PCDHA4: variants seen among roughly 807,000 people sequenced by gnomAD.
PCDHA4 encodes the protein protocadherin alpha 4, also known as protocadherin alpha-4.
PCDHA4 carries 49 observed loss-of-function variants against 61.4 expected under a neutral mutation model. That is an observed-to-expected ratio of 0.80 (90% CI 0.63 to 1.01). The LOEUF (loss-of-function observed/expected upper bound fraction) is 1.01. Ranked by LOEUF, PCDHA4 falls within the 50% of genes least tolerant of loss-of-function variation. The pLI is 0.00. For synonymous variants in PCDHA4, 590 were observed against 550.3 expected (o/e 1.07, Z -1.01); for missense variants, 1,254 against 1,235.8 (o/e 1.01, Z -0.22).
rs201868516 is a variant in PCDHA4 at position 140,843,396 on chromosome 5, C to A, written c.2385+33824C>A. 27 of 1,595,918 alleles carry A rather than the reference C, an allele frequency of 1.7e-5. 6 individuals carry two copies. Among genetic ancestry groups the A allele is most frequent in the Non-Finnish European group, 2.3e-5 (27 of 1,165,594 alleles). ...GCTGGCGTTTTGGGTCCGGAAGCGGCGCTGGTGGATGTCAACGTGTACCTG... is the reference window on the plus strand; with the variant it reads ...GCTGGCGTTTTGGGTCCGGAAGCGGAGCTGGTGGATGTCAACGTGTACCTG... On this transcript the variant is annotated intron_variant, in intron 1 of 3. Coordinates refer to ENST00000530339, the MANE Select transcript of PCDHA4 (RefSeq NM_018907.4).
intron 3 of PCDHA4, among the ~76,000 whole-genome samples, chr5:140,991,118 A>T (rs2153893669): frequency 6.6e-6 from 1 of 152,340 alleles, no homozygotes; most frequent in South Asian, 2.1e-4. Context: ...GCTTTCTTAC[A>T]TTCACACAGC....
chr5:140,934,703 A>G (rs1348150058), intron 1 of PCDHA4, among the ~76,000 whole-genome samples: 1 of 152,156 alleles, frequency 6.6e-6, no homozygotes, highest in Non-Finnish European at 1.5e-5. Flanking sequence ...ATTCCTGGCC[A>G]TCTTACAAAA....
intron 1 of PCDHA4, among the ~76,000 whole-genome samples, chr5:140,827,755 T>C (rs1769388112): frequency 6.6e-6 from 1 of 152,232 alleles, no homozygotes; most frequent in African/African-American, 2.4e-5. Context: ...TCCCTTACTT[T>C]AAATTAATAA....
intron 1 of PCDHA4, among the ~76,000 whole-genome samples, chr5:140,889,020 TG>T (rs1554183734): frequency 1.3e-5 from 2 of 152,126 alleles, no homozygotes; most frequent in Non-Finnish European, 2.9e-5. Context: ...TCTACTTCCT[TG>T]GATAACCGTA....
At chr5:140,863,829 T>A (rs2048195193) in intron 1 of PCDHA4, 1 of 199,822 alleles carries the variant, frequency 5.0e-6, no homozygotes, top group East Asian at 1.2e-4. Flanking sequence ...TGAAACTCCA[T>A]CTCTACTAAA....
chr5:140,863,664 A>ATTTTGC (rs1331349828), intron 1 of PCDHA4: 1 of 285,864 alleles, frequency 3.5e-6, no homozygotes, highest in Non-Finnish European at 6.9e-6. Flanking sequence ...TGCTTTATTT[A>ATTTTGC]TTTTGCTTTT....
chr5:140,848,422 G>C, intron 1 of PCDHA4: 1 of 1,425,074 alleles, frequency 7.0e-7, no homozygotes, highest in Middle Eastern at 1.8e-4. Flanking sequence ...AGCAGAATGG[G>C]ACTGACGAAA....
rs1554151505 is a variant in PCDHA4 at position 140,858,367 on chromosome 5, C to T, written c.2385+48795C>T. 1.8e-5 allele frequency: 28 copies of T among 1,590,300 alleles called. 2 individuals carry two copies. Among genetic ancestry groups the T allele is most frequent in the Non-Finnish European group, 2.3e-5 (27 of 1,162,754 alleles). On this transcript the variant is annotated intron_variant, in intron 1 of 3. Transcript: ENST00000530339. ...CGGACCTCATGGCCTTCAGCCCCAG[C>T]CTTCCACCATGCCCAATGGTAGATG...
chr5:140,969,907 G>A (rs2096367708), intron 1 of PCDHA4, among the ~76,000 whole-genome samples: 1 of 152,204 alleles, frequency 6.6e-6, no homozygotes, highest in Non-Finnish European at 1.5e-5. Context: ...CATGTCACAA[G>A]TGATAAAGCT....
At chr5:140,872,960 C>T (rs953236645) in intron 1 of PCDHA4, among the ~76,000 whole-genome samples, 10 of 152,142 alleles carry the variant, frequency 6.6e-5, no homozygotes, top group African/African-American at 2.4e-4. Context: ...GTAGTATCAT[C>T]CCATCTGAAG....
intron 1 of PCDHA4, chr5:140,841,844 C>T: frequency 6.2e-7 from 1 of 1,613,842 alleles, no homozygotes; most frequent in Non-Finnish European, 8.5e-7. Flanking sequence ...GCTTAGCTCT[C>T]ATGATTACTT....
At chr5:140,872,425 G>A (rs1280008446) in intron 1 of PCDHA4, among the ~76,000 whole-genome samples, 3 of 151,980 alleles carry the variant, frequency 2.0e-5, no homozygotes, top group African/African-American at 7.3e-5. Flanking sequence ...CCAAGAGTTC[G>A]AGGCCTGCCT....
chr5:140,998,423 T>C (rs1248330149), intron 3 of PCDHA4, among the ~76,000 whole-genome samples: 1 of 152,248 alleles, frequency 6.6e-6, no homozygotes, highest in African/African-American at 2.4e-5. Context: ...ACCTGGTTTA[T>C]CCTTTAACAC....
chr5:140,875,159 C>T (rs60784460), intron 1 of PCDHA4: 4,491 of 336,216 alleles, frequency 0.013, 178 homozygotes, highest in African/African-American at 0.087. Flanking sequence ...TGAAAAATAA[C>T]CCAAAGTCGA....
chr5:140,962,619 T>C (rs1405135656), intron 1 of PCDHA4, among the ~76,000 whole-genome samples: 1 of 152,212 alleles, frequency 6.6e-6, no homozygotes, highest in East Asian at 1.9e-4. Context: ...GGAAGGGAGA[T>C]GTGAAAAAAT....
In PCDHA4 at chr5:140,871,291, G is replaced by T. The variant is rs2052917819; in HGVS notation, c.2385+61719G>T. 3 of 1,613,906 alleles carry T rather than the reference G, an allele frequency of 1.9e-6. No individual in the cohort carries two copies. Among genetic ancestry groups the T allele is most frequent in the African/African-American group, 2.7e-5 (2 of 75,070 alleles). ...GTGGTCGGCAACGCCCACTGAGGGC[G>T]CGTGCGCGCCGGGGAAGCCCACGCT... On this transcript the variant is annotated intron_variant, in intron 1 of 3. Transcript: ENST00000530339.
At chr5:140,928,044 T>A (rs782342331) in intron 1 of PCDHA4, 1 of 1,614,196 alleles carries the variant, frequency 6.2e-7, no homozygotes, top group South Asian at 1.1e-5. Context: ...GTGCAGGCCC[T>A]TTTCAGCTGA....
chr5:140,839,977 T>C (rs1329730797), intron 1 of PCDHA4, among the ~76,000 whole-genome samples: 1 of 152,062 alleles, frequency 6.6e-6, no homozygotes, highest in Non-Finnish European at 1.5e-5. Context: ...ATGACTCCTA[T>C]TGGAAAGTGG....
chr5:140,883,447 C>T (rs967998655), intron 1 of PCDHA4: 13 of 1,614,168 alleles, frequency 8.1e-6, no homozygotes, highest in Non-Finnish European at 1.0e-5. Flanking sequence ...CGCCGCATGT[C>T]CCCTTCAAGC....
Sources: gnomAD v4.1 joint callset for allele counts (sites outside exome capture counted in the v4.1 genomes callset) on GRCh38, gnomAD v4.1.1 for gene constraint, MANE v1.5 for transcripts, NCBI Gene and HGNC (gene_info 2026-07-23, HGNC 2026-07-21) for gene names.